DNM3: variants seen among roughly 807,000 people sequenced by gnomAD.
The protein encoded by DNM3 is dynamin-3.
DNM3 carries 47 observed loss-of-function variants against 101.6 expected under a neutral mutation model. The observed-to-expected ratio is 0.46, with a 90% CI of 0.37 to 0.59. The LOEUF (loss-of-function observed/expected upper bound fraction) is 0.59, where lower values mean the gene tolerates loss of function less well. DNM3 is among the 20% of genes least tolerant of loss of function. DNM3 has a pLI of 0.00. For synonymous variants in DNM3, 385 were observed against 387.9 expected (o/e 0.99, Z 0.09); for missense variants, 849 against 1,085.7 (o/e 0.78, Z 3.06).
At chr1:172,155,778 G>A (rs562370097) in intron 14 of DNM3, among the ~76,000 whole-genome samples, 1 of 151,992 alleles carries the variant, frequency 6.6e-6, no homozygotes, top group Non-Finnish European at 1.5e-5. Context: ...TGACTAAGGG[G>A]CAAAAACAAT....
chr1:172,099,977 T>A (rs956262749), intron 13 of DNM3, among the ~76,000 whole-genome samples: 1 of 152,104 alleles, frequency 6.6e-6, no homozygotes, highest in Admixed American at 6.5e-5. Context: ...TCCTCAAGAG[T>A]CTTAGCAGGA....
intron 15 of DNM3, among the ~76,000 whole-genome samples, chr1:172,294,621 T>C (rs149905756): frequency 5.3e-5 from 8 of 152,226 alleles, no homozygotes; most frequent in African/African-American, 1.9e-4. Context: ...TTTAAAATGG[T>C]AAAAAGTTAG....
chr1:172,010,674 G>C (rs1312601350), intron 4 of DNM3, among the ~76,000 whole-genome samples: 1 of 44,568 alleles, frequency 2.2e-5, no homozygotes, highest in African/African-American at 1.1e-4. Context: ...GGTGTGCCTT[G>C]GTATGTTTTG....
chr1:171,859,366 A>G (rs1045922677), intron 1 of DNM3, among the ~76,000 whole-genome samples: 1 of 152,122 alleles, frequency 6.6e-6, no homozygotes, highest in African/African-American at 2.4e-5. Context: ...CTCATGTTAT[A>G]CTTACCACAT....
chr1:171,940,849 T>C (rs1244909044), intron 2 of DNM3, among the ~76,000 whole-genome samples: 2 of 152,212 alleles, frequency 1.3e-5, no homozygotes, highest in South Asian at 2.1e-4. Context: ...TTATATTAGA[T>C]ACCATGTAGG....
At chr1:172,158,441 T>C (rs1393119312) in intron 14 of DNM3, among the ~76,000 whole-genome samples, 1 of 151,852 alleles carries the variant, frequency 6.6e-6, no homozygotes, top group Non-Finnish European at 1.5e-5. Flanking sequence ...GGGAAGAACA[T>C]GAGCAAAGGC....
intron 2 of DNM3, among the ~76,000 whole-genome samples, chr1:171,975,820 C>T (rs1321298244): frequency 2.0e-5 from 3 of 152,234 alleles, no homozygotes; most frequent in Non-Finnish European, 2.9e-5. Context: ...TATCTGATCT[C>T]GAGACTTATT....
In DNM3 at chr1:172,410,745, A is replaced by G. The variant is rs924183779; in HGVS notation, c.*2904A>G. 2 of 985,164 alleles carry G rather than the reference A, an allele frequency of 2.0e-6. No individual in the cohort carries two copies. Among genetic ancestry groups the G allele is most frequent in the African/African-American group, 3.5e-5 (2 of 57,228 alleles). The allele number at this position is 985,164 out of a possible 1,614,324, so 61.0% of individuals were successfully genotyped here. The stretch of plus-strand genomic sequence containing the variant: ...TTCCAATACAAACTCACTTTATTCT[A>G]AAGTATATTAATGAAACCAGTTCCT... On this transcript the variant is annotated 3_prime_UTR_variant, in exon 21 of 21. Coordinates refer to ENST00000627582, the MANE Select transcript of DNM3 (RefSeq NM_015569.5).
chr1:172,386,377 A>C (rs1226469693), intron 18 of DNM3, among the ~76,000 whole-genome samples: 5 of 152,062 alleles, frequency 3.3e-5, no homozygotes, highest in African/African-American at 1.2e-4. Flanking sequence ...CACCATATTC[A>C]TCCTCTCCAT....
chr1:172,379,288 A>G, intron 18 of DNM3, 106 bp downstream of exon 18: 2 of 980,910 alleles, frequency 2.0e-6, no homozygotes, highest in South Asian at 3.6e-5. Context: ...AGTTCAAATA[A>G]TATTACCCAG....
At chr1:172,338,185 G>T in intron 17 of DNM3, among the ~76,000 whole-genome samples, 1 of 152,180 alleles carries the variant, frequency 6.6e-6, no homozygotes, top group Non-Finnish European at 1.5e-5. Context: ...AAAGTGCTGG[G>T]ATTACAGGCG....
intron 1 of DNM3, among the ~76,000 whole-genome samples, chr1:171,909,682 TG>T (rs1274788286): frequency 1.3e-5 from 2 of 152,174 alleles, no homozygotes; most frequent in African/African-American, 4.8e-5. Flanking sequence ...CATATATTTT[TG>T]TATGTAGTTT....
At chr1:172,377,553 CATATATATATATATAT>C (rs34612864) in intron 17 of DNM3, among the ~76,000 whole-genome samples, 7 of 123,436 alleles carry the variant, frequency 5.7e-5, no homozygotes, top group African/African-American at 1.1e-4. Context: ...TGATATATAT[CATATATATATATATAT>C]ATATATATAT....
chr1:171,922,423 T>C (rs1558270031), intron 2 of DNM3, among the ~76,000 whole-genome samples: 4 of 152,200 alleles, frequency 2.6e-5, no homozygotes, highest in African/African-American at 9.7e-5. Context: ...TTTTTCCCCA[T>C]TTCTTTTTGG....
chr1:172,043,931 C>T (rs543281581), intron 8 of DNM3, among the ~76,000 whole-genome samples: 1 of 152,242 alleles, frequency 6.6e-6, no homozygotes, highest in South Asian at 2.1e-4. Flanking sequence ...TTTTCTTTTA[C>T]AAAGAGGCCT....
chr1:172,040,772 C>T (rs1358062309), intron 7 of DNM3, among the ~76,000 whole-genome samples: 1 of 151,926 alleles, frequency 6.6e-6, no homozygotes, highest in African/African-American at 2.4e-5. Flanking sequence ...AATGCTTGAG[C>T]TGAGTCTTAA....
intron 15 of DNM3, among the ~76,000 whole-genome samples, chr1:172,256,642 ATCTATTGTGTATATTTTTTCTAT>A (rs1206608390): frequency 1.3e-5 from 2 of 151,804 alleles, no homozygotes; most frequent in African/African-American, 4.8e-5. Context: ...ACTTTTGAAC[ATCTATTGTGTATATTTTTTCTAT>A]TCCAATAATT....
At chr1:172,061,720 G>T (rs2051234296) in intron 10 of DNM3, among the ~76,000 whole-genome samples, 1 of 110,744 alleles carries the variant, frequency 9.0e-6, no homozygotes, top group Non-Finnish European at 1.8e-5. Context: ...AGGGGGGAGG[G>T]ATAGCATTGG....
intron 8 of DNM3, among the ~76,000 whole-genome samples, chr1:172,042,700 G>A (rs895142299): frequency 6.6e-6 from 1 of 152,118 alleles, no homozygotes; most frequent in Admixed American, 6.6e-5. Flanking sequence ...AGCAACCTCG[G>A]GTAAGGCACT....
Sources: gnomAD v4.1 joint callset for allele counts (sites outside exome capture counted in the v4.1 genomes callset) on GRCh38, gnomAD v4.1.1 for gene constraint, MANE v1.5 for transcripts, NCBI Gene and HGNC (gene_info 2026-07-23, HGNC 2026-07-21) for gene names.